Variants in GLYR1 observed in about 807,000 individuals in gnomAD.
GLYR1 encodes cytokine-like nuclear factor N-PAC.
Under a neutral mutation model 72.7 loss-of-function variants are expected in GLYR1, and 21 were observed. The ratio of observed to expected loss-of-function variants is 0.29; its 90% CI spans 0.20 to 0.42. The LOEUF (loss-of-function observed/expected upper bound fraction) is 0.42. Among genes scored for constraint, GLYR1 ranks in the 10% least tolerant of loss-of-function variants. GLYR1 has a pLI of 1.00. For synonymous variants in GLYR1, 392 were observed against 270.2 expected (o/e 1.45, Z -4.42); for missense variants, 594 against 712.1 (o/e 0.83, Z 1.89).
chr16:4,846,668 G>C (rs1227348430), intron 1 of GLYR1: 4 of 244,066 alleles, frequency 1.6e-5, no homozygotes, highest in Non-Finnish European at 3.3e-5. Flanking sequence ...CACAGAAGCA[G>C]ACCGCGGGAG....
intron 3 of GLYR1, among the ~76,000 whole-genome samples, chr16:4,834,877 A>C (rs2142023137): frequency 6.6e-6 from 1 of 152,306 alleles, no homozygotes; most frequent in East Asian, 1.9e-4. Context: ...TCTGGCAAGA[A>C]TATCCCTGAA....
In GLYR1 at chr16:4,817,703, A is replaced by G. The variant is rs752411434; in HGVS notation, c.807-6T>C. The G allele has an allele frequency of 3.2e-6, 5 of 1,552,966 alleles. No homozygotes were observed. Among genetic ancestry groups the G allele is most frequent in the Non-Finnish European group, 4.4e-6 (5 of 1,124,278 alleles). ...CAAGGCCCAAAAATCCTATCCTGAA[A>G]CAGAGAGAGACTGATGAGTTCAGGG... On this transcript the variant is annotated splice_polypyrimidine_tract_variant and splice_region_variant and intron_variant, in intron 9 of 15. Transcript: ENST00000321919.
intron 8 of GLYR1, 35 bp from the exon 9 acceptor site, chr16:4,821,488 T>C (rs749901968): frequency 6.2e-7 from 1 of 1,613,960 alleles, no homozygotes; most frequent in African/African-American, 1.3e-5. Context: ...CAAGTCAGTC[T>C]GCCTGCAGTT....
chr16:4,834,342 C>G (rs898356448), intron 3 of GLYR1, among the ~76,000 whole-genome samples: 19 of 145,934 alleles, frequency 1.3e-4, no homozygotes, highest in Non-Finnish European at 4.4e-5. Flanking sequence ...CTCTTGTTGC[C>G]CAGGCTGGAG....
intron 15 of GLYR1, 102 bp from the exon 16 acceptor site, chr16:4,805,412 T>A (rs2082909541): frequency 1.0e-6 from 1 of 961,784 alleles, no homozygotes; most frequent in East Asian, 2.5e-5. Flanking sequence ...CAGGCAGTGC[T>A]GGAGCCCAGG....
At chr16:4,843,040 G>C (rs2085680924) in intron 3 of GLYR1, among the ~76,000 whole-genome samples, 1 of 152,142 alleles carries the variant, frequency 6.6e-6, no homozygotes, top group African/African-American at 2.4e-5. Flanking sequence ...TTTACAACTT[G>C]TCACTTGACT....
At chr16:4,817,989 T>A (rs1409673117) in intron 9 of GLYR1, 2 of 288,486 alleles carry the variant, frequency 6.9e-6, no homozygotes, top group Non-Finnish European at 1.3e-5. Flanking sequence ...CAGGGCAAAG[T>A]CCCCTTGCTG....
At chr16:4,828,822 G>A (rs939500318) in intron 5 of GLYR1, among the ~76,000 whole-genome samples, 12 of 152,012 alleles carry the variant, frequency 7.9e-5, no homozygotes, top group African/African-American at 2.7e-4. Flanking sequence ...TCCTATATAC[G>A]TGATTCAAAC....
chr16:4,843,935 AC>A (rs558367478), intron 3 of GLYR1: 122 of 185,490 alleles, frequency 6.6e-4, no homozygotes, highest in Middle Eastern at 2.5e-3. Context: ...ACATGGTGAA[AC>A]CCCGTCTCTA....
At chr16:4,815,255 G>T (rs2083564691) in intron 10 of GLYR1, among the ~76,000 whole-genome samples, 1 of 151,704 alleles carries the variant, frequency 6.6e-6, no homozygotes, top group Admixed American at 6.6e-5. Context: ...ATAGGTGCAT[G>T]CCCCATGTGT....
chr16:4,845,783 AAAG>A (rs2085977734), intron 2 of GLYR1, among the ~76,000 whole-genome samples: 1 of 152,236 alleles, frequency 6.6e-6, no homozygotes, highest in South Asian at 2.1e-4. Flanking sequence ...GGTAACATGG[AAAG>A]AAGATTTAAA....
At chr16:4,825,237 G>A (rs540484874) in intron 5 of GLYR1, among the ~76,000 whole-genome samples, 30 of 152,288 alleles carry the variant, frequency 2.0e-4, no homozygotes, top group African/African-American at 6.5e-4. Flanking sequence ...TCTACAGGGA[G>A]GGTCTTGCAA....
At chr16:4,837,204 G>A (rs1567791575) in intron 3 of GLYR1, among the ~76,000 whole-genome samples, 4 of 152,188 alleles carry the variant, frequency 2.6e-5, no homozygotes, top group Admixed American at 2.0e-4. Context: ...GGGAGACCGA[G>A]GCAGGTGGAT....
Position 4,823,803 on chromosome 16 carries a change from T to A in GLYR1, c.624+18A>T, listed in dbSNP as rs776660455. 1 of 1,603,082 alleles carries A rather than the reference T, an allele frequency of 6.2e-7. No homozygotes were observed. Among genetic ancestry groups the A allele is most frequent in the Non-Finnish European group, 8.5e-7 (1 of 1,171,690 alleles). ...GCCCTAAGCCACAGCTTGTCCTGCC[T>A]GCAGGAGAGCTCCTTACCTCGCTTG... On this transcript the variant is annotated intron_variant, in intron 6 of 15. Transcript: ENST00000321919.
At chr16:4,830,628 C>T (rs1212424778) in intron 5 of GLYR1, among the ~76,000 whole-genome samples, 1 of 152,212 alleles carries the variant, frequency 6.6e-6, no homozygotes, top group East Asian at 1.9e-4. Flanking sequence ...CCTCGTCACC[C>T]AACTGTTGCT....
chr16:4,814,193 A>C (rs2141962125), intron 11 of GLYR1, among the ~76,000 whole-genome samples: 1 of 152,312 alleles, frequency 6.6e-6, no homozygotes, highest in Non-Finnish European at 1.5e-5. Context: ...TGAACTTCTA[A>C]AATATACAAA....
In GLYR1 at chr16:4,805,206, T is replaced by A; in HGVS notation, c.*30A>T. 1.9e-6 allele frequency: 3 copies of A among 1,589,730 alleles called. No individual in the cohort carries two copies. Among genetic ancestry groups the A allele is most frequent in the Non-Finnish European group, 2.6e-6 (3 of 1,158,826 alleles). On this transcript the variant is annotated 3_prime_UTR_variant, in exon 16 of 16. Coordinates refer to ENST00000321919, the MANE Select transcript of GLYR1 (RefSeq NM_032569.4). ...GAGGAAGAGGGGGTCAGAGGGGGGA[T>A]TGGAGGGGTGAGGGCGGGGTGTCGA...
intron 3 of GLYR1, among the ~76,000 whole-genome samples, chr16:4,838,252 T>C (rs1191443731): frequency 1.3e-5 from 2 of 152,148 alleles, no homozygotes; most frequent in Non-Finnish European, 2.9e-5. Context: ...CATATTCTTC[T>C]AGAGCAGCTA....
At chr16:4,829,237 G>T (rs1037611802) in intron 5 of GLYR1, among the ~76,000 whole-genome samples, 2 of 151,954 alleles carry the variant, frequency 1.3e-5, no homozygotes, top group African/African-American at 4.8e-5. Flanking sequence ...TGTTTCTATG[G>T]CCCCAAGACA....
Sources: allele counts gnomAD v4.1 joint callset (sites outside exome capture counted in the v4.1 genomes callset), GRCh38; gene constraint gnomAD v4.1.1; transcripts MANE v1.5; gene names NCBI Gene and HGNC (gene_info 2026-07-23, HGNC 2026-07-21).